The following TMEFF2 variants were observed in gnomAD, a reference collection of about 807,000 sequenced individuals.
TMEFF2 encodes transmembrane protein with EGF like and two follistatin like domains 2.
In TMEFF2, 28 loss-of-function variants were observed where a neutral mutation model predicts 53.8. The observed-to-expected ratio is 0.52, with a 90% CI of 0.39 to 0.71. The LOEUF (loss-of-function observed/expected upper bound fraction) is 0.71, where lower values mean the gene tolerates loss of function less well. Among genes scored for constraint, TMEFF2 ranks in the 30% least tolerant of loss-of-function variants. The pLI is 0.00. For synonymous variants in TMEFF2, 162 were observed against 166.3 expected (o/e 0.97, Z 0.20); for missense variants, 353 against 455.2 (o/e 0.78, Z 2.04).
chr2:191,978,670 G>T (rs572132940), intron 7 of TMEFF2, among the ~76,000 whole-genome samples: 15 of 152,096 alleles, frequency 9.9e-5, no homozygotes, highest in Non-Finnish European at 1.9e-4. Flanking sequence ...CTATATAAGG[G>T]CCAGGGCAGG....
intron 4 of TMEFF2, among the ~76,000 whole-genome samples, chr2:192,095,783 CTTACT>C (rs1268825932): frequency 2.6e-5 from 4 of 152,082 alleles, no homozygotes; most frequent in African/African-American, 4.8e-5. Flanking sequence ...CTTTTAGTAA[CTTACT>C]TTAAATATAC....
intron 4 of TMEFF2, among the ~76,000 whole-genome samples, chr2:192,172,241 C>T (rs1276963944): frequency 2.6e-5 from 4 of 151,844 alleles, no homozygotes; most frequent in Non-Finnish European, 5.9e-5. Context: ...CAAATTCACC[C>T]TCTTCCCAAT....
rs540848986 is a variant in TMEFF2 at position 192,133,203 on chromosome 2, C to T, written c.439+46465G>A. The stretch of plus-strand genomic sequence containing the variant: ...GGAGACACTTTAACTAAATTATCTG[C>T]TTCCCTGACTATTCCTGGGCTACAG... On this transcript the variant is annotated intron_variant, in intron 4 of 9. Transcript: ENST00000272771. Among the ~76,000 whole-genome samples, 92 of 152,240 alleles carry T rather than the reference C, an allele frequency of 6.0e-4. 1 individual carries two copies. In the Middle Eastern group the frequency reaches 0.01, roughly 17 times the overall value.
intron 7 of TMEFF2, among the ~76,000 whole-genome samples, chr2:191,966,239 C>T (rs912637372): frequency 1.3e-5 from 2 of 152,160 alleles, no homozygotes; most frequent in Admixed American, 1.3e-4. Flanking sequence ...GAAAGAATAT[C>T]TGCCAGAGGG....
intron 4 of TMEFF2, among the ~76,000 whole-genome samples, chr2:192,101,288 A>G (rs1167301615): frequency 1.3e-5 from 2 of 152,174 alleles, no homozygotes; most frequent in African/African-American, 4.8e-5. Flanking sequence ...TTACCGTGTA[A>G]TTAGTTGTGT....
At chr2:192,131,081 C>A (rs1440474171) in intron 4 of TMEFF2, among the ~76,000 whole-genome samples, 8 of 148,228 alleles carry the variant, frequency 5.4e-5, no homozygotes, top group South Asian at 2.2e-4. Context: ...CCCTTCTCTC[C>A]TTGTCTCTAC....
intron 5 of TMEFF2, among the ~76,000 whole-genome samples, chr2:192,033,274 C>T (rs1455179322): frequency 6.6e-6 from 1 of 152,128 alleles, no homozygotes; most frequent in Non-Finnish European, 1.5e-5. Flanking sequence ...AGATAAACTT[C>T]TTTAGATAAG....
rs533253842 is a variant in TMEFF2 at position 191,953,740 on chromosome 2, C to T, written c.967G>A (p.Ala323Thr). The change falls in exon 9 of 10, where the codon GCA becomes ACA. Residue 323 changes from alanine (A) to threonine (T), a missense_variant. Ala to Thr is a moderately conservative substitution (Grantham distance 58). This residue lies in a region of TMEFF2 where 294 missense variants were observed against 397.3 expected (regional missense o/e 0.74). Transcript: ENST00000272771. ...GPVRFQYVLI[A>T]AVIGTIQIAV... ...ATCTGAATTGTTCCAATCACAGCTG[C>T]GATTAAGACATACTGAAATCGTACA... is the stretch of plus-strand genomic sequence containing the variant. 1.3e-5 allele frequency: 21 copies of T among 1,614,068 alleles called. No individual in the cohort carries two copies. Among genetic ancestry groups the T allele is most frequent in the Admixed American group, 6.7e-5 (4 of 60,014 alleles).
chr2:192,057,648 T>C (rs1287134642), intron 5 of TMEFF2, 31 bp downstream of exon 5: 1 of 1,564,792 alleles, frequency 6.4e-7, no homozygotes, highest in East Asian at 2.2e-5. Flanking sequence ...CTGTCATTAT[T>C]TTGTCTAAAA....
At chr2:192,090,763 C>T (rs1688772347) in intron 4 of TMEFF2, among the ~76,000 whole-genome samples, 1 of 152,066 alleles carries the variant, frequency 6.6e-6, no homozygotes, top group Admixed American at 6.6e-5. Context: ...CTTCATGGTC[C>T]AAATGCCACA....
At position 192,128,902 on chromosome 2, in the gene TMEFF2, G is replaced by A. The variant is rs111648196; in HGVS notation, c.439+50766C>T. On this transcript the variant is annotated intron_variant, in intron 4 of 9. Transcript: ENST00000272771. Reference sequence around the variant, plus strand: ...GCAGCGGCGCATTTTGGCTTCCCCCGGGGAGGTAGCAAAACTCTCCAGTGT... The same window carrying A: ...GCAGCGGCGCATTTTGGCTTCCCCCAGGGAGGTAGCAAAACTCTCCAGTGT... Among the ~76,000 whole-genome samples, 28 of 112,076 alleles carry A rather than the reference G, an allele frequency of 2.5e-4. No individual in the cohort carries two copies. The South Asian group carries it at 8.5e-3, about 34-fold the overall frequency. 73.5% of individuals were successfully genotyped at this position (112,076 alleles called of 152,430 possible).
intron 4 of TMEFF2, among the ~76,000 whole-genome samples, chr2:192,093,892 G>A (rs1688846988): frequency 6.6e-6 from 1 of 152,072 alleles, no homozygotes; most frequent in African/African-American, 2.4e-5. Flanking sequence ...AGAAAAAAAA[G>A]CGAAGTGAAA....
intron 4 of TMEFF2, among the ~76,000 whole-genome samples, chr2:192,168,276 C>T (rs1690819448): frequency 6.6e-6 from 1 of 151,958 alleles, no homozygotes; most frequent in Non-Finnish European, 1.5e-5. Flanking sequence ...TGAACTTTAT[C>T]ATAAATTTAC....
At chr2:192,089,573 T>C (rs908288461) in intron 4 of TMEFF2, among the ~76,000 whole-genome samples, 2 of 152,062 alleles carry the variant, frequency 1.3e-5, no homozygotes, top group Admixed American at 6.6e-5. Flanking sequence ...CTGACCATTT[T>C]TTCGTGAGAA....
chr2:192,076,370 C>T (rs1688432560), intron 4 of TMEFF2, among the ~76,000 whole-genome samples: 1 of 152,002 alleles, frequency 6.6e-6, no homozygotes. Context: ...TGGGAGCATG[C>T]ACCACAAATA....
At chr2:192,012,868 G>A (rs919627607) in intron 5 of TMEFF2, among the ~76,000 whole-genome samples, 1 of 152,060 alleles carries the variant, frequency 6.6e-6, no homozygotes, top group Non-Finnish European at 1.5e-5. Flanking sequence ...TAGTAAAAAT[G>A]TATACAAATT....
chr2:192,146,639 T>C (rs1690256210), intron 4 of TMEFF2, among the ~76,000 whole-genome samples: 2 of 152,008 alleles, frequency 1.3e-5, no homozygotes. Context: ...AGAAACAGCC[T>C]ATAGTGTGTG....
chr2:192,173,477 A>C (rs1201540590), intron 4 of TMEFF2, among the ~76,000 whole-genome samples: 4 of 151,730 alleles, frequency 2.6e-5, no homozygotes, highest in Non-Finnish European at 4.4e-5. Context: ...TCCCCTAAGA[A>C]AAATTTTGCA....
At chr2:192,181,830 G>A (rs956278776) in intron 3 of TMEFF2, among the ~76,000 whole-genome samples, 1 of 151,618 alleles carries the variant, frequency 6.6e-6, no homozygotes, top group Non-Finnish European at 1.5e-5. Flanking sequence ...GAAACAGCCA[G>A]GAAAAAAAAG....
Sources: gnomAD v4.1 joint callset for allele counts (sites outside exome capture counted in the v4.1 genomes callset) on GRCh38, gnomAD v4.1.1 for gene constraint, gnomAD v4.1.1 regional missense constraint, MANE v1.5 for transcripts, NCBI Gene and HGNC (gene_info 2026-07-23, HGNC 2026-07-21) for gene names.